The following STX12 variants were observed in gnomAD, a reference collection of about 807,000 sequenced individuals.
STX12 encodes syntaxin 12, also known as syntaxin-12.
In STX12, 17 loss-of-function variants were observed where a neutral mutation model predicts 42.2. That is an observed-to-expected ratio of 0.40 (90% confidence interval 0.28 to 0.60). The LOEUF (loss-of-function observed/expected upper bound fraction) is 0.60, where lower values mean the gene tolerates loss of function less well. Ranked by LOEUF, STX12 falls within the 20% of genes least tolerant of loss-of-function variation. STX12 has a pLI of 0.39. For missense variants in STX12, 297 were observed against 330.9 expected (o/e 0.90, Z 0.79); for synonymous variants, 108 against 116.7 (o/e 0.93, Z 0.48).
chr1:27,819,562 C>A (rs2088970555), intron 7 of STX12, 88 bp from the exon 8 acceptor site: 1 of 1,146,116 alleles, frequency 8.7e-7, no homozygotes, highest in South Asian at 1.4e-5. Flanking sequence ...GGTAGTGAAA[C>A]CAGGACATGT....
chr1:27,819,678 AG>A lies in STX12; in HGVS notation c.679del (p.Glu227ArgfsTer34). The A allele has an allele frequency of 6.2e-7, 1 of 1,613,964 alleles. No individual in the cohort carries two copies. The highest frequency in any genetic ancestry group is 1.1e-5 in the South Asian group (1 of 91,078). ...DSIEANVESS[E>X]VHVERATEQL... Reference sequence around the variant, plus strand: ...GCATAGAAGCCAATGTGGAAAGCTCAGAGGTGCACGTCGAAAGAGCCACTGA... The same window carrying A: ...GCATAGAAGCCAATGTGGAAAGCTCAAGGTGCACGTCGAAAGAGCCACTGA... On this transcript the variant is annotated frameshift_variant, in exon 8 of 9. Transcript: ENST00000373943. LOFTEE classifies it high-confidence loss of function.
chr1:27,815,008 T>C (rs138885003), intron 6 of STX12, among the ~76,000 whole-genome samples: 20 of 152,176 alleles, frequency 1.3e-4, no homozygotes, highest in African/African-American at 4.3e-4. Context: ...ATATAACACA[T>C]TGTATTAGTT....
chr1:27,815,290 G>A (rs1264901163), intron 6 of STX12, among the ~76,000 whole-genome samples: 1 of 152,148 alleles, frequency 6.6e-6, no homozygotes, highest in African/African-American at 2.4e-5. Flanking sequence ...ATGGATGCCA[G>A]GGTATAATGG....
chr1:27,822,452 A>AGTTAGTTTCT lies in STX12; in HGVS notation c.*123_*124insGTTAGTTTCT. The AGTTAGTTTCT allele has an allele frequency of 1.5e-6, 1 of 659,888 alleles. No individual in the cohort carries two copies. The highest frequency in any genetic ancestry group is 2.8e-6 in the Non-Finnish European group (1 of 363,112). 40.9% of individuals were successfully genotyped at this position (659,888 alleles called of 1,614,324 possible). On this transcript the variant is annotated 3_prime_UTR_variant, in exon 9 of 9. Transcript: ENST00000373943. ...GAACGTCCTGTAATCATTTAGTTAG[A>AGTTAGTTTCT]AACTAACTACTAACTAGTCTTTGGA...
In STX12 at chr1:27,773,292, GTCTCAGC is replaced by G; in HGVS notation, c.-13_-7del. On this transcript the variant is annotated 5_prime_UTR_variant, in exon 1 of 9. Coordinates refer to ENST00000373943, the MANE Select transcript of STX12 (RefSeq NM_177424.3). ...TAGGAGAGCGGTGTAGAGCGAGCAGGTCTCAGCTCCTCGTCATGTCATACGGTCCCTT... is the reference window on the plus strand; with the variant it reads ...TAGGAGAGCGGTGTAGAGCGAGCAGGTCCTCGTCATGTCATACGGTCCCTT... 6.4e-7 allele frequency: 1 copy of G among 1,555,812 alleles called. No individual in the cohort carries two copies. The highest frequency in any genetic ancestry group is 1.7e-5 in the Admixed American group (1 of 57,356).
In STX12 at chr1:27,812,284, T is replaced by C; in HGVS notation, c.576+16T>C. ...GCAGCTGGAGGTGAGAGCCACGTCATGTTTTTTGTTTGACTCAGTGTGTCT... is the reference window on the plus strand; with the variant it reads ...GCAGCTGGAGGTGAGAGCCACGTCACGTTTTTTGTTTGACTCAGTGTGTCT... On this transcript the variant is annotated intron_variant, in intron 6 of 8. Transcript: ENST00000373943. 1 of 1,545,292 alleles carries C rather than the reference T, an allele frequency of 6.5e-7. No homozygotes were observed. Among genetic ancestry groups the C allele is most frequent in the East Asian group, 2.4e-5 (1 of 40,940 alleles).
intron 3 of STX12, among the ~76,000 whole-genome samples, chr1:27,799,477 G>GT (rs200472226): frequency 0.054 from 7,063 of 130,648 alleles, 457 homozygotes; most frequent in East Asian, 0.26. Context: ...TCATTAGCTT[G>GT]TTTTTTTTTT....
intron 7 of STX12, 45 bp from the exon 8 acceptor site, chr1:27,819,605 A>G (rs1334980598): frequency 9.0e-6 from 14 of 1,558,808 alleles, no homozygotes; most frequent in Non-Finnish European, 1.2e-5. Context: ...TGCAGTCTTA[A>G]AACATCTGAG....
intron 3 of STX12, among the ~76,000 whole-genome samples, chr1:27,798,354 A>G (rs1164467438): frequency 6.6e-6 from 1 of 151,888 alleles, no homozygotes; most frequent in Non-Finnish European, 1.5e-5. Flanking sequence ...CAACATCTCT[A>G]CAAAAATTAG....
chr1:27,808,082 A>G (rs1475430965), intron 4 of STX12, among the ~76,000 whole-genome samples: 1 of 152,148 alleles, frequency 6.6e-6, no homozygotes, highest in Non-Finnish European at 1.5e-5. Context: ...TGGAGTTGTG[A>G]TTGGAGAAGG....
At chr1:27,810,388 A>T in intron 5 of STX12, 99 bp downstream of exon 5, 1 of 1,115,556 alleles carries the variant, frequency 9.0e-7, no homozygotes, top group Non-Finnish European at 1.3e-6. Context: ...GAGGGCAAAA[A>T]TAAGGGGGCA....
At chr1:27,809,446 A>G (rs1422564159) in intron 4 of STX12, among the ~76,000 whole-genome samples, 2 of 150,786 alleles carry the variant, frequency 1.3e-5, no homozygotes, top group Non-Finnish European at 3.0e-5. Context: ...ACGTTCTCAA[A>G]GATCTCATAT....
At chr1:27,777,096 G>A (rs1213164477) in intron 1 of STX12, among the ~76,000 whole-genome samples, 1 of 152,132 alleles carries the variant, frequency 6.6e-6, no homozygotes, top group East Asian at 1.9e-4. Context: ...TGTGCGGGGG[G>A]AGTATGTATA....
chr1:27,822,905 C>T lies in STX12; in HGVS notation c.*576C>T, dbSNP rs955624822. 2 of 152,356 alleles carry T rather than the reference C, an allele frequency of 1.3e-5. No individual in the cohort carries two copies. Among genetic ancestry groups the T allele is most frequent in the East Asian group, 3.8e-4 (2 of 5,206 alleles). The allele number at this position is 152,356 out of a possible 1,614,324, so 9.4% of individuals were successfully genotyped here. A position where few individuals can be genotyped will look rare whatever the true frequency, so the allele number is the denominator to read the frequency against. On this transcript the variant is annotated 3_prime_UTR_variant, in exon 9 of 9. Transcript: ENST00000373943. ...TCCAGAGTAAATGAGAAGTCTCTATCTGAGCTGGTCAGTTACTGGAGTACA... is the reference window on the plus strand; with the variant it reads ...TCCAGAGTAAATGAGAAGTCTCTATTTGAGCTGGTCAGTTACTGGAGTACA...
chr1:27,796,431 C>T (rs1011686297), intron 3 of STX12, among the ~76,000 whole-genome samples: 4 of 152,092 alleles, frequency 2.6e-5, no homozygotes, highest in Non-Finnish European at 5.9e-5. Context: ...CGGGCTGAGG[C>T]GCAGTGGAGT....
chr1:27,781,787 C>T (rs192088400), intron 1 of STX12, among the ~76,000 whole-genome samples: 6 of 152,224 alleles, frequency 3.9e-5, no homozygotes, highest in Admixed American at 2.6e-4. Flanking sequence ...TCTTTAGTCA[C>T]AGTGCCTGGA....
rs2088991527 is a variant in STX12, at chr1:27,822,453, AACTAACT to A, written c.*133_*139del. 3 of 655,186 alleles carry A rather than the reference AACTAACT, an allele frequency of 4.6e-6. No homozygotes were observed. The highest frequency in any genetic ancestry group is 2.4e-5 in the Admixed American group (1 of 41,598). 40.6% of individuals were successfully genotyped at this position (655,186 alleles called of 1,614,324 possible). The stretch of plus-strand genomic sequence containing the variant: ...AACGTCCTGTAATCATTTAGTTAGA[AACTAACT>A]ACTAACTAGTCTTTGGAATTCGTGA... On this transcript the variant is annotated 3_prime_UTR_variant, in exon 9 of 9. Coordinates refer to ENST00000373943, the MANE Select transcript of STX12 (RefSeq NM_177424.3).
intron 1 of STX12, among the ~76,000 whole-genome samples, chr1:27,781,379 T>G (rs889482373): frequency 1.3e-5 from 2 of 152,138 alleles, no homozygotes; most frequent in African/African-American, 4.8e-5. Context: ...TTGAATCCCT[T>G]GCCCTGCAAT....
chr1:27,774,740 C>G (rs926228528), intron 1 of STX12, among the ~76,000 whole-genome samples: 9 of 152,086 alleles, frequency 5.9e-5, no homozygotes, highest in African/African-American at 2.2e-4. Context: ...ATGCAGTGAT[C>G]TGAGTGAAGT....
Sources: allele counts gnomAD v4.1 joint callset (sites outside exome capture counted in the v4.1 genomes callset), GRCh38; gene constraint gnomAD v4.1.1; transcripts MANE v1.5; gene names NCBI Gene and HGNC (gene_info 2026-07-23, HGNC 2026-07-21).